KCNU1: variants seen among roughly 807,000 people sequenced by gnomAD.
KCNU1 encodes potassium channel subfamily U member 1.
Under a neutral mutation model 126.8 loss-of-function variants are expected in KCNU1, and 93 were observed. The ratio of observed to expected loss-of-function variants is 0.73; its 90% confidence interval spans 0.62 to 0.87. The LOEUF is 0.87. KCNU1 is among the 40% of genes least tolerant of loss of function. The pLI, the probability that KCNU1 is intolerant of heterozygous loss-of-function variation, is 0.00. For synonymous variants in KCNU1, 523 were observed against 494.2 expected (o/e 1.06, Z -0.77); for missense variants, 1,330 against 1,367.1 (o/e 0.97, Z 0.43).
intron 19 of KCNU1, among the ~76,000 whole-genome samples, chr8:36,875,461 C>T (rs1186066176): frequency 6.7e-6 from 1 of 149,774 alleles, no homozygotes; most frequent in Non-Finnish European, 1.5e-5. Context: ...TATACACACA[C>T]ACACATTACA....
chr8:36,902,523 G>A (rs140920933), intron 19 of KCNU1, among the ~76,000 whole-genome samples: 97 of 152,184 alleles, frequency 6.4e-4, no homozygotes, highest in African/African-American at 2.2e-3. Flanking sequence ...AGACAGCAGG[G>A]AACCACCTAA....
At position 36,879,191 on chromosome 8, in the gene KCNU1, ATGTG is replaced by A. The variant is rs767490761; in HGVS notation, c.2009+14688_2009+14691del. 1.2e-3 allele frequency among the ~76,000 whole-genome samples: 133 copies of A among 114,972 alleles called. 1 individual carries two copies. Among genetic ancestry groups the A allele is most frequent in the African/African-American group, 3.8e-3 (119 of 31,180 alleles). The allele number at this position is 114,972 out of a possible 152,430, so 75.4% of individuals were successfully genotyped here. A position where few individuals can be genotyped will look rare whatever the true frequency, so the allele number is the denominator to read the frequency against. On this transcript the variant is annotated intron_variant, in intron 19 of 26. Coordinates refer to ENST00000399881, the MANE Select transcript of KCNU1 (RefSeq NM_001031836.3). ...ACTTGTGCAATTCAGGCATATATGT[ATGTG>A]TGTGTGTGTGTGTGTGTATATATAT...
At chr8:36,802,070 C>G (rs1803328148) in intron 2 of KCNU1, among the ~76,000 whole-genome samples, 1 of 144,386 alleles carries the variant, frequency 6.9e-6, no homozygotes. Context: ...GATTGCGCCA[C>G]TGCACTGCAG....
At chr8:36,830,207 A>C (rs1010292482) in intron 10 of KCNU1, among the ~76,000 whole-genome samples, 1 of 151,272 alleles carries the variant, frequency 6.6e-6, no homozygotes, top group Admixed American at 6.6e-5. Context: ...GAAATAAACT[A>C]TTTGTCTGAA....
intron 10 of KCNU1, among the ~76,000 whole-genome samples, chr8:36,820,283 A>T (rs952439273): frequency 6.6e-6 from 1 of 152,168 alleles, no homozygotes; most frequent in Non-Finnish European, 1.5e-5. Context: ...GCAGAAATAG[A>T]TAATTGATAC....
chr8:36,873,093 A>C (rs903375121), intron 19 of KCNU1, among the ~76,000 whole-genome samples: 4 of 152,186 alleles, frequency 2.6e-5, no homozygotes, highest in Non-Finnish European at 4.4e-5. Context: ...AAATAAACTA[A>C]CCAACCAAAC....
chr8:36,911,218 GT>G, intron 22 of KCNU1, 99 bp downstream of exon 22: 1 of 1,001,684 alleles, frequency 1.0e-6, no homozygotes, highest in South Asian at 1.8e-5. Flanking sequence ...GAGCAGGAGG[GT>G]GGGCCAGATG....
chr8:36,925,545 C>T (rs771913607), intron 24 of KCNU1, among the ~76,000 whole-genome samples: 2 of 152,280 alleles, frequency 1.3e-5, no homozygotes, highest in South Asian at 2.1e-4. Flanking sequence ...TTTTCCTTCT[C>T]GTTTCCCTTC....
chr8:36,924,751 T>C lies in KCNU1; in HGVS notation c.2736+2122T>C, dbSNP rs188309597. On this transcript the variant is annotated intron_variant, in intron 24 of 26. Coordinates refer to ENST00000399881, the MANE Select transcript of KCNU1 (RefSeq NM_001031836.3). ...TGGAGTGTCAGGCAGGAGGTGACTCTCGATGAACTTGACCTGTCTGCAGAT... is the reference window on the plus strand; with the variant it reads ...TGGAGTGTCAGGCAGGAGGTGACTCCCGATGAACTTGACCTGTCTGCAGAT... Among the ~76,000 whole-genome samples, 43 of 152,272 alleles carry C rather than the reference T, an allele frequency of 2.8e-4. 1 individual carries two copies.
At chr8:36,914,261 G>C (rs73676538) in intron 22 of KCNU1, among the ~76,000 whole-genome samples, 32,513 of 152,048 alleles carry the variant, frequency 0.21, 3,970 homozygotes, top group Middle Eastern at 0.33. Context: ...GGGATAGAGT[G>C]GTTCTCAACC....
At chr8:36,911,242 C>A (rs1807863061) in intron 22 of KCNU1, 123 bp downstream of exon 22, 3 of 673,244 alleles carry the variant, frequency 4.5e-6, no homozygotes, top group Non-Finnish European at 4.7e-6. Context: ...CTCTGAGGTC[C>A]CTTCCAATCC....
At chr8:36,892,334 T>G (rs1269740102) in intron 19 of KCNU1, among the ~76,000 whole-genome samples, 4 of 152,112 alleles carry the variant, frequency 2.6e-5, no homozygotes, top group African/African-American at 7.2e-5. Flanking sequence ...ATCTCCTCAC[T>G]GATATTTTGT....
intron 19 of KCNU1, among the ~76,000 whole-genome samples, chr8:36,884,863 T>C (rs1244893989): frequency 1.3e-5 from 2 of 152,170 alleles, no homozygotes; most frequent in Non-Finnish European, 2.9e-5. Context: ...TGGTTGAATT[T>C]CCAGTTTTAA....
rs1804362944 is a variant in KCNU1, at chr8:36,827,339, T to G, written c.1107-6215T>G. Among the ~76,000 whole-genome samples the G allele has an allele frequency of 2.0e-5, 3 of 152,180 alleles. No individual in the cohort carries two copies. In the South Asian group the frequency reaches 6.2e-4, roughly 32 times the overall value. On this transcript the variant is annotated intron_variant, in intron 10 of 26. Coordinates refer to ENST00000399881, the MANE Select transcript of KCNU1 (RefSeq NM_001031836.3). ...ATGCTTTTGTTATGCCAGTTTATATTTTGGAAAAGATATCAAACCCTTCAT... is the reference window on the plus strand; with the variant it reads ...ATGCTTTTGTTATGCCAGTTTATATGTTGGAAAAGATATCAAACCCTTCAT...
chr8:36,834,067 G>A (rs1256560219), intron 11 of KCNU1, among the ~76,000 whole-genome samples: 1 of 152,166 alleles, frequency 6.6e-6, no homozygotes, highest in African/African-American at 2.4e-5. Flanking sequence ...GCATGGATAT[G>A]CTTTCCAATA....
chr8:36,911,186 T>G (rs1807860890), intron 22 of KCNU1, 67 bp downstream of exon 22: 1 of 1,265,054 alleles, frequency 7.9e-7, no homozygotes, highest in South Asian at 1.5e-5. Context: ...TTAACTCCTC[T>G]TTGAAGTATT....
intron 11 of KCNU1, among the ~76,000 whole-genome samples, chr8:36,834,320 C>A (rs992507579): frequency 1.1e-4 from 16 of 152,260 alleles, no homozygotes; most frequent in African/African-American, 3.9e-4. Flanking sequence ...ACTGTAAGAG[C>A]CATTTCAGTA....
chr8:36,807,317 G>C (rs375986936), intron 5 of KCNU1, 58 bp from the exon 6 acceptor site: 55 of 1,164,030 alleles, frequency 4.7e-5, no homozygotes, highest in Non-Finnish European at 6.6e-5. Flanking sequence ...TATAACGTAG[G>C]CTCCCTCTGG....
At chr8:36,814,469 G>A in intron 8 of KCNU1, 92 bp downstream of exon 8, 1 of 932,392 alleles carries the variant, frequency 1.1e-6, no homozygotes, top group Non-Finnish European at 1.7e-6. Context: ...AGGTTTAAGA[G>A]TGAATGTTGC....
Sources: gnomAD v4.1 joint callset for allele counts (sites outside exome capture counted in the v4.1 genomes callset) on GRCh38, gnomAD v4.1.1 for gene constraint, MANE v1.5 for transcripts, NCBI Gene and HGNC (gene_info 2026-07-23, HGNC 2026-07-21) for gene names.